The following ARID3A variants were observed in gnomAD, a reference collection of about 807,000 sequenced individuals.
ARID3A encodes the protein AT-rich interactive domain-containing protein 3A.
A neutral mutation model predicts 52.7 loss-of-function variants in ARID3A; 11 were observed. The observed-to-expected ratio is 0.21, with a 90% CI of 0.13 to 0.35. The LOEUF (loss-of-function observed/expected upper bound fraction) is 0.35, where lower values mean the gene tolerates loss of function less well. Among genes scored for constraint, ARID3A ranks in the 10% least tolerant of loss-of-function variants. ARID3A has a pLI of 1.00. For synonymous variants in ARID3A, 404 were observed against 359.4 expected, an observed-to-expected ratio of 1.12 and a Z score of -1.40; for missense variants, 721 against 838.5, an observed-to-expected ratio of 0.86 and a Z score of 1.73.
At chr19:951,161 T>G (rs1010862533) in intron 3 of ARID3A, among the ~76,000 whole-genome samples, 1 of 152,068 alleles carries the variant, frequency 6.6e-6, no homozygotes, top group African/African-American at 2.4e-5. Flanking sequence ...CTCGCTGTGT[T>G]GCTGAGGCTG....
chr19:928,617 C>T (rs1350357007), intron 1 of ARID3A: 1 of 152,222 alleles, frequency 6.6e-6, no homozygotes, highest in Non-Finnish European at 1.5e-5. Context: ...ATGGGACCGC[C>T]CTGGTGCCCC....
chr19:951,598 T>A (rs2037804659), intron 3 of ARID3A, among the ~76,000 whole-genome samples: 1 of 151,516 alleles, frequency 6.6e-6, no homozygotes, highest in South Asian at 2.1e-4. Flanking sequence ...AACCTCAGAG[T>A]TCCCCGGCTG....
chr19:971,687 T>C (rs1006742927), intron 8 of ARID3A, among the ~76,000 whole-genome samples, 191 bp from the exon 9 acceptor site: 4 of 152,154 alleles, frequency 2.6e-5, no homozygotes, highest in Non-Finnish European at 5.9e-5. Context: ...CTCGGGAGGC[T>C]GAGCTGGGAG....
rs1284612476 is a variant in ARID3A at position 929,863 on chromosome 19, A to C, written c.335A>C (p.Glu112Ala). 6.5e-7 allele frequency: 1 copy of C among 1,543,836 alleles called. No individual in the cohort carries two copies. The highest frequency in any genetic ancestry group is 8.7e-7 in the Non-Finnish European group (1 of 1,146,908). Residue 112 changes from glutamate to alanine, a missense_variant, in exon 2 of 9, where the codon GAG (glutamate) becomes GCG (alanine). This residue lies in a region of ARID3A where 349 missense variants were observed against 297.3 expected (regional missense o/e 1.17). Coordinates refer to ENST00000263620, the MANE Select transcript of ARID3A (RefSeq NM_005224.3). This position sits in a 1 kb window ranked among gnomAD's most constrained non-coding sequence, Gnocchi z 6.2. ...PGRGREGPGE[E>A]HFEDMASDED... ...CGAGGCAGAGAAGGGCCAGGAGAGG[A>C]GCACTTTGAGGACATGGCCTCCGAC...
chr19:955,239 C>T (rs1269650639), intron 3 of ARID3A, among the ~76,000 whole-genome samples: 1 of 152,182 alleles, frequency 6.6e-6, no homozygotes, highest in Non-Finnish European at 1.5e-5. Flanking sequence ...GGGGCCTCGG[C>T]CAGCTGGCCA....
At position 939,121 on chromosome 19, in the gene ARID3A, A is replaced by G. The variant is rs868805381; in HGVS notation, c.693+6379A>G. ...TATTTATTTATTTATTTATTTATTTATTTATTATTATTATTTTAGACGGAG... is the reference window on the plus strand; with the variant it reads ...TATTTATTTATTTATTTATTTATTTGTTTATTATTATTATTTTAGACGGAG... On this transcript the variant is annotated intron_variant, in intron 3 of 8. Transcript: ENST00000263620. Among the ~76,000 whole-genome samples the G allele has an allele frequency of 2.8e-4, 38 of 136,388 alleles. No individual in the cohort carries two copies. In the South Asian group the frequency reaches 8.5e-3, roughly 31 times the overall value. The allele number at this position is 136,388 out of a possible 152,430, so 89.5% of individuals were successfully genotyped here. A position where few individuals can be genotyped will look rare whatever the true frequency, so the allele number is the denominator to read the frequency against.
In ARID3A at chr19:972,228, T is replaced by G. The variant is rs1369671147; in HGVS notation, c.*163T>G. On this transcript the variant is annotated 3_prime_UTR_variant, in exon 9 of 9. Coordinates refer to ENST00000263620, the MANE Select transcript of ARID3A (RefSeq NM_005224.3). Reference sequence around the variant, plus strand: ...CCAAAAAGAAAAGAAAAAAGATATATATATATATATATATATATACACGTA... The same window carrying G: ...CCAAAAAGAAAAGAAAAAAGATATAGATATATATATATATATATACACGTA... The G allele has an allele frequency of 9.3e-6, 2 of 214,962 alleles. No individual in the cohort carries two copies. Among genetic ancestry groups the G allele is most frequent in the Non-Finnish European group, 1.8e-5 (2 of 108,518 alleles). The allele number at this position is 214,962 out of a possible 1,614,324, so 13.3% of individuals were successfully genotyped here. A position where few individuals can be genotyped will look rare whatever the true frequency, so the allele number is the denominator to read the frequency against.
rs144783296 is a variant in ARID3A at position 970,917 on chromosome 19, C to G, written c.1595-961C>G. ...GAGCTGAAGGTCAGTGGTGTCCTCACAGGTCCACAAATGGATTTTTGAGGG... is the reference window on the plus strand; with the variant it reads ...GAGCTGAAGGTCAGTGGTGTCCTCAGAGGTCCACAAATGGATTTTTGAGGG... On this transcript the variant is annotated intron_variant, in intron 8 of 8. Coordinates refer to ENST00000263620, the MANE Select transcript of ARID3A (RefSeq NM_005224.3). Among the ~76,000 whole-genome samples, 42 of 152,274 alleles carry G rather than the reference C, an allele frequency of 2.8e-4. 1 individual carries two copies. The East Asian group carries it at 6.8e-3, about 24-fold the overall frequency.
At chr19:961,435 C>G (rs2038038645) in intron 4 of ARID3A, among the ~76,000 whole-genome samples, 1 of 152,208 alleles carries the variant, frequency 6.6e-6, no homozygotes, top group Non-Finnish European at 1.5e-5. Context: ...CCTCCAAGGC[C>G]AGGCTTGACC....
Position 944,325 on chromosome 19 carries a change from G to GGTGTGT in ARID3A, c.693+11602_693+11607dup, listed in dbSNP as rs74873695. Among the ~76,000 whole-genome samples the GGTGTGT allele has an allele frequency of 0.024, 3,575 of 149,812 alleles. 88 individuals are homozygous for GGTGTGT. Among genetic ancestry groups the GGTGTGT allele is most frequent in the Admixed American group, 0.068 (1,020 of 15,066 alleles). ...TCTGGCTGCAGGGGCGCGTCCAGGG[G>GGTGTGT]GTGTGTGTGTGTGTGTGTGTGTGTC... On this transcript the variant is annotated intron_variant, in intron 3 of 8. Transcript: ENST00000263620. This position sits in a 1 kb window ranked among gnomAD's most constrained non-coding sequence, Gnocchi z 5.9.
At chr19:968,985 A>C (rs1418177272) in intron 8 of ARID3A, among the ~76,000 whole-genome samples, 3 of 152,138 alleles carry the variant, frequency 2.0e-5, no homozygotes, top group African/African-American at 7.2e-5. Context: ...TGAGGAGCAA[A>C]GAATGTATAA....
At chr19:937,164 G>A (rs1568358248) in intron 3 of ARID3A, among the ~76,000 whole-genome samples, 1 of 151,624 alleles carries the variant, frequency 6.6e-6, no homozygotes, top group African/African-American at 2.4e-5. Flanking sequence ...GCACTCGGGA[G>A]GTTGAGACAG....
rs571051132 is a variant in ARID3A, at chr19:947,173, T to C, written c.694-12919T>C. ...CCGTGGGGTGGGGTGTGTCTGTGTG[T>C]GGCCTGGGGCACCCCCTGCCGTCAG... is the stretch of plus-strand genomic sequence containing the variant. On this transcript the variant is annotated intron_variant, in intron 3 of 8. Transcript: ENST00000263620. The surrounding 1 kb of genome is among the most constrained non-coding windows in gnomAD (Gnocchi z 6.3). Among the ~76,000 whole-genome samples the C allele has an allele frequency of 6.6e-5, 10 of 152,248 alleles. No individual in the cohort carries two copies. Among genetic ancestry groups the C allele is most frequent in the African/African-American group, 2.4e-4 (10 of 41,552 alleles).
intron 3 of ARID3A, among the ~76,000 whole-genome samples, chr19:936,069 C>T (rs1219118526): frequency 6.6e-6 from 1 of 152,232 alleles, no homozygotes; most frequent in Non-Finnish European, 1.5e-5. Flanking sequence ...GGATTAAAGG[C>T]GTGAGCCACC....
At position 975,368 on chromosome 19, in the gene ARID3A, G is replaced by C. The variant is rs368166899; in HGVS notation, c.*3303G>C. The stretch of plus-strand genomic sequence containing the variant: ...AGGCGGGAGGGTGGGCACGGGGCAC[G>C]GGGGGCAGCTGGGGTCGTTGTTAAG... On this transcript the variant is annotated 3_prime_UTR_variant, in exon 9 of 9. Transcript: ENST00000263620. The C allele has an allele frequency of 4.3e-6, 1 of 230,862 alleles. No homozygotes were observed. The highest frequency in any genetic ancestry group is 1.8e-4 in the South Asian group (1 of 5,500). 14.3% of individuals were successfully genotyped at this position (230,862 alleles called of 1,614,324 possible). A position where few individuals can be genotyped will look rare whatever the true frequency, so the allele number is the denominator to read the frequency against.
At chr19:952,441 CAAAAA>C (rs10663796) in intron 3 of ARID3A, among the ~76,000 whole-genome samples, 898 of 59,782 alleles carry the variant, frequency 0.015, 21 homozygotes, top group African/African-American at 0.052. Context: ...GACCCTGTCT[CAAAAA>C]AAAAAAAAAA....
intron 3 of ARID3A, among the ~76,000 whole-genome samples, chr19:937,383 CTCCT>C (rs1192537458): frequency 6.6e-6 from 1 of 152,196 alleles, no homozygotes; most frequent in Non-Finnish European, 1.5e-5. Flanking sequence ...GGGTCGGAGT[CTCCT>C]TCCTTTTCAC....
In ARID3A at chr19:941,991, A is replaced by G. The variant is rs2037565894; in HGVS notation, c.693+9249A>G. ...GAAGCATGAGGTCGCGGTGGGGCCTATTAACCATTAGACCCCCGGGGCTGC... is the reference window on the plus strand; with the variant it reads ...GAAGCATGAGGTCGCGGTGGGGCCTGTTAACCATTAGACCCCCGGGGCTGC... On this transcript the variant is annotated intron_variant, in intron 3 of 8. Transcript: ENST00000263620. The surrounding 1 kb of genome is among the most constrained non-coding windows in gnomAD (Gnocchi z 6.9). Among the ~76,000 whole-genome samples, 1 of 152,066 alleles carries G rather than the reference A, an allele frequency of 6.6e-6. No individual in the cohort carries two copies. Among genetic ancestry groups the G allele is most frequent in the African/African-American group, 2.4e-5 (1 of 41,404 alleles).
chr19:934,923 T>C (rs1172293591), intron 3 of ARID3A, among the ~76,000 whole-genome samples: 1 of 152,146 alleles, frequency 6.6e-6, no homozygotes, highest in Non-Finnish European at 1.5e-5. Context: ...TGGGATCTTA[T>C]CCTGGGCTGT....
Sources: gnomAD v4.1 joint callset for allele counts (sites outside exome capture counted in the v4.1 genomes callset) on GRCh38, gnomAD v4.1.1 for gene constraint, gnomAD v4.1.1 regional missense constraint, Gnocchi (gnomAD v3.1) non-coding constraint, MANE v1.5 for transcripts, NCBI Gene and HGNC (gene_info 2026-07-23, HGNC 2026-07-21) for gene names.